Variants in DPP8 observed in about 807,000 individuals in gnomAD.
DPP8 encodes DPP VIII.
Under a neutral mutation model 107.5 loss-of-function variants are expected in DPP8, and 31 were observed. The observed-to-expected ratio is 0.29, with a 90% CI of 0.22 to 0.39. The LOEUF is 0.39. Among genes scored for constraint, DPP8 ranks in the 10% least tolerant of loss-of-function variants. DPP8 has a pLI of 1.00. For missense variants in DPP8, 842 were observed against 1,076.1 expected, an observed-to-expected ratio of 0.78 and a Z score of 3.04; for synonymous variants, 381 against 356.6, an observed-to-expected ratio of 1.07 and a Z score of -0.77.
chr15:65,491,575 T>C (rs1020725245), intron 5 of DPP8, among the ~76,000 whole-genome samples: 11 of 152,212 alleles, frequency 7.2e-5, no homozygotes, highest in African/African-American at 2.7e-4. Flanking sequence ...ACAGTATGTA[T>C]ATATTTGTTT....
chr15:65,512,657 G>A, intron 1 of DPP8, 93 bp from the exon 2 acceptor site: 1 of 1,397,374 alleles, frequency 7.2e-7, no homozygotes, highest in Non-Finnish European at 9.8e-7. Context: ...CGGGGGAGTG[G>A]GGAGGGCAAG....
In DPP8 at chr15:65,478,779, G is replaced by A. The variant is rs2066635516; in HGVS notation, c.1456+101C>T. ...TTACATATTAAGTTTAACAAAGCAA[G>A]TATTGATGCTTATAAAGCATGCAAA... On this transcript the variant is annotated intron_variant, in intron 11 of 19. Coordinates refer to ENST00000300141, the MANE Select transcript of DPP8 (RefSeq NM_130434.5). The A allele has an allele frequency of 3.9e-6, 3 of 773,132 alleles. No homozygotes were observed. The East Asian group carries it at 8.6e-5, about 22-fold the overall frequency. The allele number at this position is 773,132 out of a possible 1,614,324, so 47.9% of individuals were successfully genotyped here.
rs58390500 is a variant in DPP8 at position 65,449,003 on chromosome 15, T to C, written c.2526+1996A>G. On this transcript the variant is annotated intron_variant, in intron 19 of 19. Coordinates refer to ENST00000300141, the MANE Select transcript of DPP8 (RefSeq NM_130434.5). ...GCCTCAAATCACCTGAGGTCAGCAG[T>C]TGGAGACCAGCCTAGCCAACATGGT... Among the ~76,000 whole-genome samples the C allele has an allele frequency of 8.8e-3, 1,236 of 139,770 alleles. 25 individuals are homozygous for C. Among genetic ancestry groups the C allele is most frequent in the African/African-American group, 0.031 (1,192 of 38,258 alleles). 91.7% of individuals were successfully genotyped at this position (139,770 alleles called of 152,430 possible). A position where few individuals can be genotyped will look rare whatever the true frequency, so the allele number is the denominator to read the frequency against.
chr15:65,499,099 G>GTT lies in DPP8; in HGVS notation c.547-1068_547-1067insAA, dbSNP rs1487863699. On this transcript the variant is annotated intron_variant, in intron 4 of 19. Coordinates refer to ENST00000300141, the MANE Select transcript of DPP8 (RefSeq NM_130434.5). ...TGTGTGTGTGTGTGTGTGTGTGTGTGTGTGTGTATATATAAATTTATTAAG... is the reference window on the plus strand; with the variant it reads ...TGTGTGTGTGTGTGTGTGTGTGTGTGTTTGTGTGTATATATAAATTTATTAAG... Among the ~76,000 whole-genome samples the GTT allele has an allele frequency of 3.1e-4, 43 of 137,470 alleles. No individual in the cohort carries two copies. In the East Asian group the frequency reaches 3.9e-3, roughly 13 times the overall value. The allele number at this position is 137,470 out of a possible 152,430, so 90.2% of individuals were successfully genotyped here.
intron 2 of DPP8, among the ~76,000 whole-genome samples, chr15:65,507,671 A>G (rs912065428): frequency 2.0e-5 from 3 of 151,976 alleles, no homozygotes; most frequent in Non-Finnish European, 4.4e-5. Context: ...AAAAAAAAAA[A>G]AAAAAGAAAT....
chr15:65,494,205 G>C, intron 5 of DPP8, among the ~76,000 whole-genome samples: 1 of 141,992 alleles, frequency 7.0e-6, no homozygotes, highest in Non-Finnish European at 1.5e-5. Flanking sequence ...CAAGGCGGGA[G>C]TGCAGTGGTG....
chr15:65,492,026 C>T (rs866639820), intron 5 of DPP8, among the ~76,000 whole-genome samples: 10 of 151,802 alleles, frequency 6.6e-5, no homozygotes, highest in Middle Eastern at 3.4e-3. Context: ...GCCACCACGC[C>T]CGGCCACATT....
chr15:65,448,684 A>AT (rs1169612300), intron 19 of DPP8, among the ~76,000 whole-genome samples: 63 of 140,390 alleles, frequency 4.5e-4, no homozygotes, highest in African/African-American at 1.5e-3. Flanking sequence ...AAAAAAAAAA[A>AT]AAAAAAATAT....
intron 6 of DPP8, among the ~76,000 whole-genome samples, chr15:65,489,712 C>T (rs1222496972): frequency 6.6e-6 from 1 of 151,492 alleles, no homozygotes; most frequent in African/African-American, 2.4e-5. Context: ...GCCACCACGC[C>T]CGGCCATAAT....
Position 65,466,825 on chromosome 15 carries a change from AG to A in DPP8, c.1690-13del. On this transcript the variant is annotated splice_polypyrimidine_tract_variant and intron_variant, in intron 13 of 19. Coordinates refer to ENST00000300141, the MANE Select transcript of DPP8 (RefSeq NM_130434.5). The stretch of plus-strand genomic sequence containing the variant: ...AAGAAGTCACAGTGCTAGAGAAAGG[AG>A]AAACAATTATATTTTTCGTCAGGAA... 1 of 1,605,086 alleles carries A rather than the reference AG, an allele frequency of 6.2e-7. No individual in the cohort carries two copies. Among genetic ancestry groups the A allele is most frequent in the Non-Finnish European group, 8.5e-7 (1 of 1,177,234 alleles).
At chr15:65,478,722 TAC>T (rs2066630154) in intron 11 of DPP8, among the ~76,000 whole-genome samples, 156 bp downstream of exon 11, 1 of 152,236 alleles carries the variant, frequency 6.6e-6, no homozygotes, top group Admixed American at 6.5e-5. Flanking sequence ...CTGTGTTTTT[TAC>T]ACATACATGT....
chr15:65,460,429 C>G (rs559435408), intron 15 of DPP8, among the ~76,000 whole-genome samples: 10 of 151,732 alleles, frequency 6.6e-5, no homozygotes, highest in African/African-American at 2.2e-4. Flanking sequence ...GAAGACAGAG[C>G]GAGACTGTCT....
intron 16 of DPP8, chr15:65,455,932 A>C: frequency 9.5e-7 from 1 of 1,048,332 alleles, no homozygotes; most frequent in Non-Finnish European, 1.3e-6. Flanking sequence ...ATTATTCCTC[A>C]ACTGTGTACA....
At chr15:65,512,176 A>C in intron 2 of DPP8, 119 bp downstream of exon 2, 1 of 1,038,626 alleles carries the variant, frequency 9.6e-7, no homozygotes. Context: ...GCTTTTCTTT[A>C]ATGAAACCAA....
intron 2 of DPP8, among the ~76,000 whole-genome samples, chr15:65,508,345 GA>G (rs1218158860): frequency 6.6e-6 from 1 of 152,150 alleles, no homozygotes; most frequent in Non-Finnish European, 1.5e-5. Context: ...CTGATCTGCT[GA>G]AAATCTCTTT....
At chr15:65,499,095 G>GTT (rs2068906813) in intron 4 of DPP8, among the ~76,000 whole-genome samples, 1 of 132,900 alleles carries the variant, frequency 7.5e-6, no homozygotes, top group African/African-American at 2.9e-5. Context: ...GTGTGTGTGT[G>GTT]TGTGTGTGTG....
At chr15:65,491,353 T>C (rs1252872099) in intron 5 of DPP8, among the ~76,000 whole-genome samples, 7 of 152,154 alleles carry the variant, frequency 4.6e-5, no homozygotes, top group Admixed American at 3.3e-4. Context: ...GATTTAAAAA[T>C]TGCTTTATAA....
In DPP8 at chr15:65,493,106, G is replaced by A. The variant is rs138393434; in HGVS notation, c.716-2807C>T. ...TTTCTTTCTCTCTTTTTTTTTAGAC[G>A]GAGTTTTGCTCTTGTTGCCCAGGCT... is the stretch of plus-strand genomic sequence containing the variant. On this transcript the variant is annotated intron_variant, in intron 5 of 19. Transcript: ENST00000300141. 2.6e-3 allele frequency among the ~76,000 whole-genome samples: 394 copies of A among 149,738 alleles called. 1 individual carries two copies. Among genetic ancestry groups the A allele is most frequent in the Non-Finnish European group, 4.0e-3 (268 of 67,482 alleles).
intron 11 of DPP8, among the ~76,000 whole-genome samples, chr15:65,475,852 G>A (rs1473525771): frequency 6.6e-6 from 1 of 152,132 alleles, no homozygotes; most frequent in Non-Finnish European, 1.5e-5. Flanking sequence ...AGACTCAGGT[G>A]ATCCTCCCAC....
Sources: allele counts gnomAD v4.1 joint callset (sites outside exome capture counted in the v4.1 genomes callset), GRCh38; gene constraint gnomAD v4.1.1; transcripts MANE v1.5; gene names NCBI Gene and HGNC (gene_info 2026-07-23, HGNC 2026-07-21).